The following SPPL2B variants were observed in gnomAD, a reference collection of about 807,000 sequenced individuals.
SPPL2B encodes the protein signal peptide peptidase-like 2B.
SPPL2B carries 39 observed loss-of-function variants against 59.7 expected under a neutral mutation model. That is an observed-to-expected ratio of 0.65 (90% confidence interval 0.51 to 0.85). The LOEUF (loss-of-function observed/expected upper bound fraction) is 0.85. Among genes scored for constraint, SPPL2B ranks in the 40% least tolerant of loss-of-function variants. SPPL2B has a pLI of 0.00. For missense variants in SPPL2B, 865 were observed against 849.0 expected (o/e 1.02, Z -0.23); for synonymous variants, 419 against 370.8 (o/e 1.13, Z -1.49).
At chr19:2,340,277 A>T (rs1968949426) in intron 7 of SPPL2B, 105 bp downstream of exon 7, 2 of 918,082 alleles carry the variant, frequency 2.2e-6, no homozygotes, top group African/African-American at 1.7e-5. Flanking sequence ...CTCAGAGTCT[A>T]CAGCAGGCGC....
chr19:2,352,925 T>C (rs757278103), intron 14 of SPPL2B, 21 bp from the exon 15 acceptor site: 1 of 1,611,608 alleles, frequency 6.2e-7, no homozygotes, highest in South Asian at 1.1e-5. Context: ...CCGCCTCACC[T>C]CTGCCTCCCT....
At chr19:2,352,142 C>T (rs866162766) in intron 14 of SPPL2B, among the ~76,000 whole-genome samples, 1 of 151,364 alleles carries the variant, frequency 6.6e-6, no homozygotes, top group Non-Finnish European at 1.5e-5. Context: ...TACGCCACGT[C>T]GGTTCTGCTC....
intron 13 of SPPL2B, among the ~76,000 whole-genome samples, chr19:2,346,485 G>C (rs1969378881): frequency 6.6e-6 from 1 of 152,186 alleles, no homozygotes; most frequent in Non-Finnish European, 1.5e-5. Flanking sequence ...GGGCAACATA[G>C]TAAGACCCTG....
At chr19:2,334,524 C>T (rs1168957008) in intron 1 of SPPL2B, 78 bp from the exon 2 acceptor site, 2 of 1,522,508 alleles carry the variant, frequency 1.3e-6, no homozygotes, top group East Asian at 5.0e-5. Context: ...TCCTCCCCTC[C>T]TCGGGCCTGT....
chr19:2,340,834 TG>T (rs1256791280), intron 7 of SPPL2B, 63 bp from the exon 8 acceptor site: 4 of 990,052 alleles, frequency 4.0e-6, no homozygotes, highest in Non-Finnish European at 6.0e-6. Context: ...GTCCCAAGGG[TG>T]GTGGGCAGTG....
At chr19:2,329,873 C>T (rs1968188997) in intron 1 of SPPL2B, among the ~76,000 whole-genome samples, 1 of 152,204 alleles carries the variant, frequency 6.6e-6, no homozygotes, top group Admixed American at 6.5e-5. Context: ...TTTTCTCTTA[C>T]CCTGAGATGC....
chr19:2,333,261 G>C (rs1406277098), intron 1 of SPPL2B, among the ~76,000 whole-genome samples: 19 of 146,954 alleles, frequency 1.3e-4, no homozygotes, highest in African/African-American at 4.8e-4. Context: ...ACTGGGCTCT[G>C]CTGGGAGGGG....
rs1968319202 is a variant in SPPL2B at position 2,332,068 on chromosome 19, A to G, written c.67-2534A>G. Among the ~76,000 whole-genome samples the G allele has an allele frequency of 1.3e-5, 2 of 152,246 alleles. No individual in the cohort carries two copies. Among genetic ancestry groups the G allele is most frequent in the South Asian group, 4.1e-4 (2 of 4,838 alleles). ...CTCACGGGCAGGCAGTCTGGTGGGC[A>G]GAACTGGAAAGAAAGGGCTCCTGAC... On this transcript the variant is annotated intron_variant, in intron 1 of 14. Coordinates refer to ENST00000613503, the MANE Select transcript of SPPL2B (RefSeq NM_152988.3). This position sits in a 1 kb window ranked among gnomAD's most constrained non-coding sequence, Gnocchi z 4.6.
chr19:2,347,655 G>T (rs79202274), intron 13 of SPPL2B, among the ~76,000 whole-genome samples: 3 of 1,872 alleles, frequency 1.6e-3, no homozygotes, highest in Non-Finnish European at 2.1e-3. Flanking sequence ...TTCGCTTGAT[G>T]CCGTTCTCTC....
At chr19:2,348,952 C>A (rs1178995751) in intron 13 of SPPL2B, among the ~76,000 whole-genome samples, 2 of 149,982 alleles carry the variant, frequency 1.3e-5, no homozygotes, top group South Asian at 2.1e-4. Context: ...CACACACTCA[C>A]GCGCTGTCAT....
chr19:2,337,608 G>A lies in SPPL2B; in HGVS notation c.352G>A (p.Val118Ile), dbSNP rs756675652. The A allele has an allele frequency of 1.4e-5, 22 of 1,586,736 alleles. No individual in the cohort carries two copies. Among genetic ancestry groups the A allele is most frequent in the Admixed American group, 1.7e-5 (1 of 58,862 alleles). ...CAGCGGAGCACGCGGGCTGCTCATC[G>A]TCAGCAGGGAGAGGCTGGTACGGCC... ...QGSGARGLLI[V>I]SRERLVPPGG... is the part of the protein sequence containing the mutation. The change falls in exon 3 of 15, where the codon GTC becomes ATC. Residue 118 changes from valine (V) to isoleucine (I), a missense_variant. Coordinates refer to ENST00000613503, the MANE Select transcript of SPPL2B (RefSeq NM_152988.3).
intron 13 of SPPL2B, among the ~76,000 whole-genome samples, chr19:2,350,695 C>T (rs1406872465): frequency 6.6e-6 from 1 of 152,250 alleles, no homozygotes; most frequent in Non-Finnish European, 1.5e-5. Context: ...CATGCGACAG[C>T]CATTGCCTGC....
chr19:2,336,768 T>C (rs552112526), intron 2 of SPPL2B, among the ~76,000 whole-genome samples: 2 of 150,524 alleles, frequency 1.3e-5, no homozygotes, highest in Non-Finnish European at 3.0e-5. Context: ...CACGTGTGTG[T>C]GCATGCACTC....
intron 9 of SPPL2B, 42 bp downstream of exon 9, chr19:2,343,334 T>C (rs1969168098): frequency 6.8e-7 from 1 of 1,480,740 alleles, no homozygotes; most frequent in Non-Finnish European, 9.2e-7. Flanking sequence ...GCATGGGTAG[T>C]GGGGGCCCTT....
At chr19:2,348,533 C>T (rs1294900510) in intron 13 of SPPL2B, among the ~76,000 whole-genome samples, 1 of 151,952 alleles carries the variant, frequency 6.6e-6, no homozygotes, top group African/African-American at 2.4e-5. Flanking sequence ...TCTCCCTCCA[C>T]ACACACTCAC....
chr19:2,337,887 C>G (rs1344014577), intron 3 of SPPL2B: 1 of 454,718 alleles, frequency 2.2e-6, no homozygotes, highest in African/African-American at 2.0e-5. Context: ...GGTGCCTGTC[C>G]TAGAGCAGCC....
At chr19:2,352,274 C>T (rs1415615953) in intron 14 of SPPL2B, among the ~76,000 whole-genome samples, 1 of 152,152 alleles carries the variant, frequency 6.6e-6, no homozygotes, top group Non-Finnish European at 1.5e-5. Context: ...CCCCTCCGGG[C>T]AGCGCCTCTT....
intron 5 of SPPL2B, among the ~76,000 whole-genome samples, chr19:2,339,519 C>T (rs1221437056): frequency 6.6e-6 from 1 of 152,178 alleles, no homozygotes; most frequent in African/African-American, 2.4e-5. Context: ...CCGCCTGGGT[C>T]TGGGGAGGCC....
chr19:2,339,649 T>G (rs1471229034), intron 5 of SPPL2B, 175 bp from the exon 6 acceptor site: 2 of 698,264 alleles, frequency 2.9e-6, no homozygotes, highest in Non-Finnish European at 4.8e-6. Context: ...CACCCTCTGC[T>G]GTGTGGTCTC....
Sources: gnomAD v4.1 joint callset for allele counts (sites outside exome capture counted in the v4.1 genomes callset) on GRCh38, gnomAD v4.1.1 for gene constraint, Gnocchi (gnomAD v3.1) non-coding constraint, MANE v1.5 for transcripts, NCBI Gene and HGNC (gene_info 2026-07-23, HGNC 2026-07-21) for gene names.